LRBA: variants seen among roughly 807,000 people sequenced by gnomAD.
LRBA encodes the protein lipopolysaccharide-responsive and beige-like anchor protein.
LRBA carries 176 observed loss-of-function variants against 330.0 expected under a neutral mutation model. The ratio of observed to expected loss-of-function variants is 0.53; its 90% CI spans 0.47 to 0.60. The LOEUF is 0.60. Among genes scored for constraint, LRBA ranks in the 20% least tolerant of loss-of-function variants. LRBA has a pLI of 0.00. For synonymous variants in LRBA, 1,230 were observed against 1,193.0 expected, an observed-to-expected ratio of 1.03 and a Z score of -0.64; for missense variants, 3,259 against 3,444.8, an observed-to-expected ratio of 0.95 and a Z score of 1.35.
rs769369192 is a variant in LRBA, at chr4:150,906,441, A to G, written c.1494-36T>C. 7 of 1,167,980 alleles carry G rather than the reference A, an allele frequency of 6.0e-6. No homozygotes were observed. In the African/African-American group the frequency reaches 6.1e-5, roughly 10 times the overall value. The allele number at this position is 1,167,980 out of a possible 1,614,324, so 72.4% of individuals were successfully genotyped here. On this transcript the variant is annotated intron_variant, in intron 11 of 56. Transcript: ENST00000651943. ...TTAAAAAGGCGATGATTAAAAAAAC[A>G]TATTCTATTTTTTTTAAATTAGGTT...
intron 47 of LRBA, among the ~76,000 whole-genome samples, chr4:150,411,346 T>C (rs1746963644): frequency 6.6e-6 from 1 of 152,182 alleles, no homozygotes; most frequent in Non-Finnish European, 1.5e-5. Flanking sequence ...ACAGGGAATG[T>C]AGCATTACTG....
chr4:150,290,353 CT>C (rs1728107404), intron 53 of LRBA, among the ~76,000 whole-genome samples: 1 of 152,156 alleles, frequency 6.6e-6, no homozygotes, highest in South Asian at 2.1e-4. Flanking sequence ...GTTAATTCTT[CT>C]GATAAAAATT....
chr4:150,773,953 C>A (rs181146177), intron 34 of LRBA, among the ~76,000 whole-genome samples: 2 of 152,238 alleles, frequency 1.3e-5, no homozygotes, highest in East Asian at 3.9e-4. Context: ...TTCCTTTTCC[C>A]CAGTGAACAG....
intron 34 of LRBA, among the ~76,000 whole-genome samples, chr4:150,789,883 T>C (rs547498663): frequency 1.8e-4 from 27 of 152,326 alleles, no homozygotes; most frequent in African/African-American, 6.3e-4. Flanking sequence ...CTAGGGTACA[T>C]GTGCACAACA....
intron 53 of LRBA, among the ~76,000 whole-genome samples, chr4:150,297,434 G>T (rs1478344138): frequency 6.6e-6 from 1 of 152,108 alleles, no homozygotes; most frequent in Non-Finnish European, 1.5e-5. Flanking sequence ...TACTTTTAAT[G>T]TCACCTGAAC....
chr4:150,491,888 A>G (rs531700794), intron 40 of LRBA, among the ~76,000 whole-genome samples: 2 of 152,332 alleles, frequency 1.3e-5, no homozygotes, highest in African/African-American at 2.4e-5. Context: ...TACATAATAC[A>G]TAAGAAAATG....
intron 35 of LRBA, among the ~76,000 whole-genome samples, chr4:150,754,723 C>T (rs985496451): frequency 2.6e-5 from 4 of 151,678 alleles, no homozygotes; most frequent in South Asian, 2.1e-4. Context: ...TGAGCCTGAG[C>T]GACAAGGCAA....
At chr4:150,757,483 T>G (rs1734468937) in intron 35 of LRBA, among the ~76,000 whole-genome samples, 1 of 152,122 alleles carries the variant, frequency 6.6e-6, no homozygotes, top group African/African-American at 2.4e-5. Flanking sequence ...AGGGCAAAAT[T>G]TATAGCAGCT....
intron 28 of LRBA, among the ~76,000 whole-genome samples, chr4:150,842,972 T>A (rs1215654786): frequency 6.6e-6 from 1 of 152,082 alleles, no homozygotes; most frequent in Non-Finnish European, 1.5e-5. Context: ...ATAATTAGAT[T>A]TTCATAAGGA....
chr4:150,598,024 T>G (rs1344626753), intron 38 of LRBA, among the ~76,000 whole-genome samples: 1 of 152,142 alleles, frequency 6.6e-6, no homozygotes, highest in African/African-American at 2.4e-5. Context: ...TTAAGCTGCC[T>G]GACTGAGGCC....
intron 33 of LRBA, among the ~76,000 whole-genome samples, chr4:150,800,752 C>A (rs1016406108): frequency 6.6e-6 from 1 of 152,168 alleles, no homozygotes; most frequent in Non-Finnish European, 1.5e-5. Flanking sequence ...TCTGACCTCT[C>A]TAAAACTCTC....
chr4:150,345,055 A>G (rs1007627495), intron 48 of LRBA, among the ~76,000 whole-genome samples: 1 of 152,180 alleles, frequency 6.6e-6, no homozygotes, highest in Non-Finnish European at 1.5e-5. Context: ...TCATCCTTCA[A>G]TATGCAACTC....
intron 36 of LRBA, among the ~76,000 whole-genome samples, chr4:150,686,105 A>G (rs1281028801): frequency 6.6e-6 from 1 of 152,142 alleles, no homozygotes; most frequent in African/African-American, 2.4e-5. Flanking sequence ...TCACTCATTT[A>G]CCTCTTTAGG....
At chr4:150,635,086 C>G (rs1350719900) in intron 37 of LRBA, among the ~76,000 whole-genome samples, 13 of 152,242 alleles carry the variant, frequency 8.5e-5, no homozygotes, top group Non-Finnish European at 1.5e-5. Flanking sequence ...AGAGGCATTT[C>G]CAGAACAGAG....
intron 37 of LRBA, among the ~76,000 whole-genome samples, chr4:150,618,851 T>TAC: frequency 5.0e-4 from 3 of 6,020 alleles, no homozygotes; most frequent in African/African-American, 5.5e-4. Context: ...TGTGTATGTA[T>TAC]ATATATATAT....
chr4:150,385,188 G>A (rs375590831), intron 47 of LRBA, among the ~76,000 whole-genome samples: 16 of 151,870 alleles, frequency 1.1e-4, no homozygotes, highest in African/African-American at 3.6e-4. Flanking sequence ...TAAAACATTA[G>A]CTAGAAAAAG....
At chr4:150,443,853 A>AAATATATATATATATAT (rs70941406) in intron 44 of LRBA, among the ~76,000 whole-genome samples, 12 of 75,476 alleles carry the variant, frequency 1.6e-4, no homozygotes, top group East Asian at 9.3e-4. Flanking sequence ...TAATTAAAAA[A>AAATATATATATATATAT]ATATATATAT....
rs192431990 is a variant in LRBA, at chr4:150,370,449, T to C, written c.7195-20290A>G. The stretch of plus-strand genomic sequence containing the variant: ...AAGCCAATCTGAAAAGGTTACATAC[T>C]ATATGATTCCAACTATATGATACAT... On this transcript the variant is annotated intron_variant, in intron 47 of 56. Coordinates refer to ENST00000651943, the MANE Select transcript of LRBA (RefSeq NM_001364905.1). Among the ~76,000 whole-genome samples, 34 of 152,236 alleles carry C rather than the reference T, an allele frequency of 2.2e-4. No homozygotes were observed. In the East Asian group the frequency reaches 6.6e-3, roughly 29 times the overall value.
chr4:150,347,226 G>A (rs1188485239), intron 48 of LRBA, among the ~76,000 whole-genome samples: 2 of 152,202 alleles, frequency 1.3e-5, no homozygotes, highest in African/African-American at 4.8e-5. Context: ...AGGAAGGAAT[G>A]AGGAGTTATT....
Sources: gnomAD v4.1 joint callset for allele counts (sites outside exome capture counted in the v4.1 genomes callset) on GRCh38, gnomAD v4.1.1 for gene constraint, MANE v1.5 for transcripts, NCBI Gene and HGNC (gene_info 2026-07-23, HGNC 2026-07-21) for gene names.